SNX2: variants seen among roughly 807,000 people sequenced by gnomAD.
The protein encoded by SNX2 is sorting nexin-2.
SNX2 carries 25 observed loss-of-function variants against 69.9 expected under a neutral mutation model. The ratio of observed to expected loss-of-function variants is 0.36; its 90% CI spans 0.26 to 0.50. The LOEUF (loss-of-function observed/expected upper bound fraction) is 0.50. Among genes scored for constraint, SNX2 ranks in the 20% least tolerant of loss-of-function variants. The pLI is 0.97. For missense variants in SNX2, 551 were observed against 613.3 expected, an observed-to-expected ratio of 0.90 and a Z score of 1.07; for synonymous variants, 229 against 200.4, an observed-to-expected ratio of 1.14 and a Z score of -1.20.
chr5:122,813,100 A>T (rs999373408), intron 7 of SNX2, among the ~76,000 whole-genome samples: 1 of 151,802 alleles, frequency 6.6e-6, no homozygotes, highest in African/African-American at 2.4e-5. Context: ...CAGTGTTTCT[A>T]TTTCTCCCCA....
At chr5:122,826,725 A>G (rs945096628) in intron 12 of SNX2, 16 of 646,476 alleles carry the variant, frequency 2.5e-5, no homozygotes, top group African/African-American at 4.0e-5. Flanking sequence ...TTGGTTACAT[A>G]GTGGGAAAAA....
rs1247429700 is a variant in SNX2 at position 122,801,784 on chromosome 5, A to G, written c.391-85A>G. 1.4e-5 allele frequency: 12 copies of G among 856,426 alleles called. No homozygotes were observed. In the Admixed American group the frequency reaches 2.3e-4, roughly 16 times the overall value. 53.1% of individuals were successfully genotyped at this position (856,426 alleles called of 1,614,324 possible). On this transcript the variant is annotated intron_variant, in intron 3 of 14. Coordinates refer to ENST00000379516, the MANE Select transcript of SNX2 (RefSeq NM_003100.4). The stretch of plus-strand genomic sequence containing the variant: ...ATTATTTGTTGTGACAGTGACTCTT[A>G]CAGAAAATAGATGATAAAAATTAGT...
chr5:122,799,761 C>T lies in SNX2; in HGVS notation c.296C>T (p.Ala99Val), dbSNP rs759865244. 4 of 1,613,666 alleles carry T rather than the reference C, an allele frequency of 2.5e-6. No homozygotes were observed. The highest frequency in any genetic ancestry group is 3.4e-6 in the Non-Finnish European group (4 of 1,179,634). ...ATCCTATCCTCGGAACCTTCTCCTG[C>T]AGTCACACCTGTCACTCCTACTACA... ...EPILSSEPSP[A>V]VTPVTPTTLI... Residue 99 changes from alanine to valine, a missense_variant, in exon 3 of 15, where the codon GCA (alanine) becomes GTA (valine). By Grantham distance (64) the Ala-to-Val change is moderately conservative. Around this residue, in one of 2 missense-constraint regions of SNX2, gnomAD observed 191 missense variants for 162.9 expected, o/e 1.17. Transcript: ENST00000379516.
At chr5:122,819,153 T>C in intron 11 of SNX2, 130 bp downstream of exon 11, 1 of 657,110 alleles carries the variant, frequency 1.5e-6, no homozygotes, top group Non-Finnish European at 2.6e-6. Flanking sequence ...TCAAGATAAG[T>C]ATACATAACT....
chr5:122,783,570 T>C (rs1476745859), intron 1 of SNX2, among the ~76,000 whole-genome samples: 1 of 152,150 alleles, frequency 6.6e-6, no homozygotes, highest in African/African-American at 2.4e-5. Flanking sequence ...TTTATTGGGC[T>C]GTCTTTTTCA....
intron 7 of SNX2, among the ~76,000 whole-genome samples, chr5:122,814,456 C>G (rs190617242): frequency 6.6e-6 from 1 of 152,034 alleles, no homozygotes; most frequent in Non-Finnish European, 1.5e-5. Context: ...GGGCTACTGA[C>G]TTAAAACGAA....
intron 11 of SNX2, among the ~76,000 whole-genome samples, chr5:122,819,862 GAGC>G (rs1232664589): frequency 1.3e-5 from 2 of 152,084 alleles, no homozygotes; most frequent in African/African-American, 2.4e-5. Context: ...CATCTACAAT[GAGC>G]ATATTTATTG....
At chr5:122,775,427 G>T in intron 1 of SNX2, 1 of 1,263,912 alleles carries the variant, frequency 7.9e-7, no homozygotes, top group Non-Finnish European at 1.0e-6. Context: ...CGCGGGTGCC[G>T]ACCTAATCCT....
At chr5:122,806,142 G>GCACGCGCACACACA (rs1554063175) in intron 6 of SNX2, among the ~76,000 whole-genome samples, 7 of 130,654 alleles carry the variant, frequency 5.4e-5, no homozygotes, top group African/African-American at 2.0e-4. Context: ...ACACGCGCGC[G>GCACGCGCACACACA]CACACACACA....
At position 122,799,689 on chromosome 5, in the gene SNX2, T is replaced by C. The variant is rs1405842831; in HGVS notation, c.227-3T>C. On this transcript the variant is annotated splice_polypyrimidine_tract_variant and splice_region_variant and intron_variant, in intron 2 of 14. Transcript: ENST00000379516. ...TTAACTAACTTGTTTAATCTATGTC[T>C]AGAAGCCACAGAAGAAGTTTCTTTG... 9.9e-6 allele frequency: 16 copies of C among 1,610,494 alleles called. No individual in the cohort carries two copies. Among genetic ancestry groups the C allele is most frequent in the Non-Finnish European group, 1.4e-5 (16 of 1,178,106 alleles).
chr5:122,799,747 G>A lies in SNX2; in HGVS notation c.282G>A (p.Ser94=), dbSNP rs145834099. 22 of 1,613,558 alleles carry A rather than the reference G, an allele frequency of 1.4e-5. No homozygotes were observed. The highest frequency in any genetic ancestry group is 2.7e-5 in the African/African-American group (2 of 74,854). ...DSPEREPILS[S]EPSPAVTPVT... Reference sequence around the variant, plus strand: ...CTGAAAGGGAACCTATCCTATCCTCGGAACCTTCTCCTGCAGTCACACCTG... The same window carrying A: ...CTGAAAGGGAACCTATCCTATCCTCAGAACCTTCTCCTGCAGTCACACCTG... The change falls in exon 3 of 15, where the codon TCG becomes TCA. Residue 94 remains serine, a synonymous_variant. Transcript: ENST00000379516.
At chr5:122,787,912 A>C (rs116344690) in intron 1 of SNX2, among the ~76,000 whole-genome samples, 1 of 152,178 alleles carries the variant, frequency 6.6e-6, no homozygotes, top group Non-Finnish European at 1.5e-5. Flanking sequence ...TCTTTACTTC[A>C]ACAGTCATGT....
intron 11 of SNX2, among the ~76,000 whole-genome samples, chr5:122,823,074 TCTAA>T (rs1375121881): frequency 2.6e-5 from 4 of 152,308 alleles, no homozygotes; most frequent in East Asian, 1.9e-4. Flanking sequence ...TGCAATCTTG[TCTAA>T]CTGAGAGCAG....
intron 5 of SNX2, among the ~76,000 whole-genome samples, chr5:122,802,392 G>A (rs996720864): frequency 1.3e-5 from 2 of 152,216 alleles, no homozygotes; most frequent in African/African-American, 4.8e-5. Context: ...GGAAGAAGAA[G>A]AATGCTTGTG....
intron 7 of SNX2, among the ~76,000 whole-genome samples, chr5:122,814,866 C>T (rs13188148): frequency 0.2 from 30,859 of 151,894 alleles, 3,542 homozygotes; most frequent in East Asian, 0.46. Flanking sequence ...TCTCCTTCCT[C>T]GGCCTCCTGA....
rs766739523 is a variant in SNX2 at position 122,795,425 on chromosome 5, G to T, written c.226+42G>T. 4.7e-6 allele frequency: 6 copies of T among 1,285,810 alleles called. No individual in the cohort carries two copies. The Admixed American group carries it at 1.1e-4, about 23-fold the overall frequency. The allele number at this position is 1,285,810 out of a possible 1,614,324, so 79.7% of individuals were successfully genotyped here. ...TATTTTTTAATAATGGTCAATTGCA[G>T]TATATTTTCTATTAGATAGAAAATA... On this transcript the variant is annotated intron_variant, in intron 2 of 14. Coordinates refer to ENST00000379516, the MANE Select transcript of SNX2 (RefSeq NM_003100.4).
intron 1 of SNX2, among the ~76,000 whole-genome samples, chr5:122,781,696 G>C (rs1752983571): frequency 6.6e-6 from 1 of 152,152 alleles, no homozygotes; most frequent in Non-Finnish European, 1.5e-5. Context: ...ATTTTAGGCA[G>C]TGGTGAGCTG....
intron 14 of SNX2, chr5:122,827,856 C>A (rs1754190402): frequency 2.2e-6 from 1 of 464,218 alleles, no homozygotes. Flanking sequence ...AACACTAAGG[C>A]AGAGATAGAC....
chr5:122,820,206 C>T (rs552737336), intron 11 of SNX2, among the ~76,000 whole-genome samples: 11 of 152,178 alleles, frequency 7.2e-5, no homozygotes, highest in African/African-American at 2.6e-4. Context: ...CCAACAAACC[C>T]GTGGGTCAAA....
Sources: gnomAD v4.1 joint callset for allele counts (sites outside exome capture counted in the v4.1 genomes callset) on GRCh38, gnomAD v4.1.1 for gene constraint, gnomAD v4.1.1 regional missense constraint, MANE v1.5 for transcripts, NCBI Gene and HGNC (gene_info 2026-07-23, HGNC 2026-07-21) for gene names.